Variants in TLN2 observed in about 807,000 individuals in gnomAD.
The protein encoded by TLN2 is talin 2.
A neutral mutation model predicts 294.7 loss-of-function variants in TLN2; 118 were observed. The observed-to-expected ratio is 0.40, with a 90% CI of 0.34 to 0.47. The LOEUF is 0.47. TLN2 is among the 20% of genes least tolerant of loss of function. The probability of loss-of-function intolerance (pLI) is 0.84; values close to 1 mark genes in which losing one functional copy is unlikely to be tolerated. For synonymous variants in TLN2, 1,431 were observed against 1,304.5 expected, an observed-to-expected ratio of 1.10 and a Z score of -2.09; for missense variants, 3,083 against 3,282.2, an observed-to-expected ratio of 0.94 and a Z score of 1.48.
intron 36 of TLN2, chr15:62,754,218 C>A: frequency 4.1e-6 from 1 of 245,474 alleles, no homozygotes; most frequent in Non-Finnish European, 7.7e-6. Context: ...TTGTTCTGTG[C>A]TTAGCTGTAA....
chr15:62,588,082 G>A (rs974439637), intron 1 of TLN2, among the ~76,000 whole-genome samples: 2 of 151,920 alleles, frequency 1.3e-5, no homozygotes, highest in Non-Finnish European at 2.9e-5. Flanking sequence ...GGGTTTCACC[G>A]TGTTAGCCAG....
intron 54 of TLN2, among the ~76,000 whole-genome samples, chr15:62,826,885 T>A (rs2068260801): frequency 6.6e-6 from 1 of 152,066 alleles, no homozygotes. Context: ...TCCAAGAGGG[T>A]TTTTTTAAAG....
chr15:62,794,129 T>C (rs2065282302), intron 46 of TLN2, among the ~76,000 whole-genome samples: 1 of 152,180 alleles, frequency 6.6e-6, no homozygotes, highest in Non-Finnish European at 1.5e-5. Context: ...GGGTCCGAGC[T>C]ACATAGTGTT....
chr15:62,394,451 A>G (rs78041034), intron 1 of TLN2, among the ~76,000 whole-genome samples: 5,241 of 152,332 alleles, frequency 0.034, 306 homozygotes, highest in African/African-American at 0.12. Flanking sequence ...CTGGAATTAC[A>G]GCTTAACATA....
intron 22 of TLN2, among the ~76,000 whole-genome samples, chr15:62,714,130 A>G (rs1411075631): frequency 6.6e-6 from 1 of 151,336 alleles, no homozygotes; most frequent in Non-Finnish European, 1.5e-5. Context: ...AAAAATTAAA[A>G]CTCATAAAAG....
At chr15:62,685,899 C>A (rs931450047) in intron 11 of TLN2, among the ~76,000 whole-genome samples, 4 of 152,032 alleles carry the variant, frequency 2.6e-5, no homozygotes, top group African/African-American at 9.7e-5. Flanking sequence ...GCATATTAAT[C>A]GTTTCCTTTA....
At position 62,825,854 on chromosome 15, in the gene TLN2, A is replaced by T. The variant is rs1331884400; in HGVS notation, c.7002+5244A>T. Among the ~76,000 whole-genome samples the T allele has an allele frequency of 6.4e-5, 6 of 93,028 alleles. 1 individual carries two copies. The highest frequency in any genetic ancestry group is 3.4e-4 in the South Asian group (1 of 2,982). 61.0% of individuals were successfully genotyped at this position (93,028 alleles called of 152,430 possible). A position where few individuals can be genotyped will look rare whatever the true frequency, so the allele number is the denominator to read the frequency against. On this transcript the variant is annotated intron_variant, in intron 54 of 58. Transcript: ENST00000636159. Reference sequence around the variant, plus strand: ...AATATATAATATATATAAATATATTATATATATATATATTTATATATATAT... The same window carrying T: ...AATATATAATATATATAAATATATTTTATATATATATATTTATATATATAT...
chr15:62,579,540 G>C (rs962351290), intron 1 of TLN2, among the ~76,000 whole-genome samples: 1 of 152,196 alleles, frequency 6.6e-6, no homozygotes, highest in Non-Finnish European at 1.5e-5. Context: ...AGTACACTTT[G>C]ATTGTTTCTT....
intron 30 of TLN2, among the ~76,000 whole-genome samples, chr15:62,738,725 G>C (rs997920381): frequency 2.0e-5 from 3 of 152,120 alleles, no homozygotes; most frequent in African/African-American, 7.2e-5. Flanking sequence ...TCCCTTCCCT[G>C]CTTTGTGAGT....
At chr15:62,569,031 C>G (rs1336839287) in intron 1 of TLN2, among the ~76,000 whole-genome samples, 2 of 152,152 alleles carry the variant, frequency 1.3e-5, no homozygotes, top group Non-Finnish European at 2.9e-5. Flanking sequence ...GAGAATCCTT[C>G]TCTGCCTCTT....
intron 45 of TLN2, 137 bp downstream of exon 45, chr15:62,784,027 C>T (rs2064422998): frequency 1.4e-6 from 2 of 1,449,858 alleles, no homozygotes; most frequent in East Asian, 4.6e-5. Flanking sequence ...CCCACCACTG[C>T]ACAGCACAGG....
chr15:62,519,884 A>C (rs2040372476), intron 1 of TLN2, among the ~76,000 whole-genome samples: 1 of 152,236 alleles, frequency 6.6e-6, no homozygotes, highest in South Asian at 2.1e-4. Context: ...GCTGCTGATA[A>C]AGACATACTT....
chr15:62,752,504 C>A, intron 35 of TLN2, 77 bp downstream of exon 35: 4 of 1,559,654 alleles, frequency 2.6e-6, no homozygotes, highest in Non-Finnish European at 3.5e-6. Flanking sequence ...TCCAGCTGCA[C>A]CTCTTTCTCC....
chr15:62,844,309 G>C lies in TLN2; in HGVS notation c.*3699G>C, dbSNP rs1329890359. 6.6e-6 allele frequency: 1 copy of C among 151,968 alleles called. No homozygotes were observed. Among genetic ancestry groups the C allele is most frequent in the African/African-American group, 2.4e-5 (1 of 41,396 alleles). The allele number at this position is 151,968 out of a possible 1,614,324, so 9.4% of individuals were successfully genotyped here. On this transcript the variant is annotated 3_prime_UTR_variant, in exon 59 of 59. Coordinates refer to ENST00000636159, the MANE Select transcript of TLN2 (RefSeq NM_015059.3). ...GTCACTACGGATGAGTGTGTGCAGA[G>C]TTTGGGTTGATTCTTTTAAATGCTA... is the stretch of plus-strand genomic sequence containing the variant.
rs2066232754 is a variant in TLN2, at chr15:62,805,685, C to T, written c.6563C>T (p.Ala2188Val). The change falls in exon 51 of 59, where the codon GCC becomes GTC. Residue 2188 changes from alanine (A) to valine (V), a missense_variant. By Grantham distance (64) the Ala-to-Val change is moderately conservative (BLOSUM62 0). Transcript: ENST00000636159. The stretch of plus-strand genomic sequence containing the variant: ...ACGAAAGGCATCACCATGGCAACAG[C>T]CAAAGCCGTGGCAGCTGGGAACTCA... ...RMTKGITMAT[A>V]KAVAAGNSCR... 1 of 1,614,044 alleles carries T rather than the reference C, an allele frequency of 6.2e-7. No individual in the cohort carries two copies.
At chr15:62,465,341 G>A (rs2037067889) in intron 1 of TLN2, among the ~76,000 whole-genome samples, 1 of 152,030 alleles carries the variant, frequency 6.6e-6, no homozygotes, top group African/African-American at 2.4e-5. Context: ...TGGGATTCCT[G>A]TGCGGTGCGG....
intron 12 of TLN2, among the ~76,000 whole-genome samples, chr15:62,689,068 C>CTTT (rs796645804): frequency 1.5e-4 from 17 of 116,634 alleles, no homozygotes; most frequent in African/African-American, 3.9e-4. Context: ...TTCTCTCTCT[C>CTTT]TTTTTTTTTT....
At chr15:62,670,906 G>A (rs1052591056) in intron 9 of TLN2, among the ~76,000 whole-genome samples, 1 of 152,216 alleles carries the variant, frequency 6.6e-6, no homozygotes, top group Non-Finnish European at 1.5e-5. Context: ...CGCCAGCAGT[G>A]TATGAGGGTT....
At chr15:62,772,142 G>T (rs976545820) in intron 42 of TLN2, among the ~76,000 whole-genome samples, 9 of 152,024 alleles carry the variant, frequency 5.9e-5, no homozygotes, top group Non-Finnish European at 1.0e-4. Context: ...TTAATTAGAG[G>T]TGGGGGGTCT....
Sources: gnomAD v4.1 joint callset for allele counts (sites outside exome capture counted in the v4.1 genomes callset) on GRCh38, gnomAD v4.1.1 for gene constraint, MANE v1.5 for transcripts, NCBI Gene and HGNC (gene_info 2026-07-23, HGNC 2026-07-21) for gene names.